MYBL1: variants seen among roughly 807,000 people sequenced by gnomAD.
MYBL1 encodes the protein MYB proto-oncogene like 1, also known as myb-related protein A.
MYBL1 carries 17 observed loss-of-function variants against 96.3 expected under a neutral mutation model. The observed-to-expected ratio is 0.18, with a 90% CI of 0.12 to 0.26. The LOEUF is 0.26. Ranked by LOEUF, MYBL1 falls within the 10% of genes least tolerant of loss-of-function variation. MYBL1 has a pLI of 1.00. For synonymous variants in MYBL1, 282 were observed against 292.7 expected (o/e 0.96, Z 0.37); for missense variants, 701 against 882.9 (o/e 0.79, Z 2.61).
chr8:66,589,131 C>T (rs773072490), intron 8 of MYBL1, among the ~76,000 whole-genome samples: 2 of 152,112 alleles, frequency 1.3e-5, no homozygotes, highest in Non-Finnish European at 2.9e-5. Flanking sequence ...TTTATGAGAA[C>T]AGATTTTAGA....
intron 8 of MYBL1, among the ~76,000 whole-genome samples, chr8:66,591,838 T>C (rs1362610369): frequency 6.6e-6 from 1 of 152,120 alleles, no homozygotes; most frequent in African/African-American, 2.4e-5. Context: ...TTCACAAATA[T>C]ATATGTGTGT....
chr8:66,613,203 C>CAGCT lies in MYBL1; in HGVS notation c.-369_-366dup, dbSNP rs1251039241. 1 of 400,216 alleles carries CAGCT rather than the reference C, an allele frequency of 2.5e-6. No individual in the cohort carries two copies. The highest frequency in any genetic ancestry group is 2.1e-5 in the African/African-American group (1 of 48,666). 24.8% of individuals were successfully genotyped at this position (400,216 alleles called of 1,614,324 possible). On this transcript the variant is annotated 5_prime_UTR_variant, in exon 1 of 16. Coordinates refer to ENST00000522677, the MANE Select transcript of MYBL1 (RefSeq NM_001080416.4). ...CGCCCGACCCCTGCCCTCTCCCCCG[C>CAGCT]AGCTAGCAGTTCTGCAGGGCTCGCA...
intron 8 of MYBL1, among the ~76,000 whole-genome samples, chr8:66,587,713 G>A (rs1181596412): frequency 6.6e-6 from 1 of 152,142 alleles, no homozygotes; most frequent in Non-Finnish European, 1.5e-5. Context: ...AACTTTCTGA[G>A]ATGATGAAAA....
At chr8:66,566,011 G>T in intron 15 of MYBL1, 53 bp downstream of exon 15, 1 of 1,213,868 alleles carries the variant, frequency 8.2e-7, no homozygotes, top group South Asian at 1.5e-5. Flanking sequence ...AATCCAAAGT[G>T]ATCATTGACT....
At chr8:66,594,679 G>GTTTT (rs1207741729) in intron 6 of MYBL1, among the ~76,000 whole-genome samples, 1 of 152,030 alleles carries the variant, frequency 6.6e-6, no homozygotes, top group Non-Finnish European at 1.5e-5. Flanking sequence ...AAACCTTAAG[G>GTTTT]TATTGAGTAT....
intron 1 of MYBL1, among the ~76,000 whole-genome samples, chr8:66,609,272 T>G (rs1810434892): frequency 6.6e-6 from 1 of 152,048 alleles, no homozygotes; most frequent in Non-Finnish European, 1.5e-5. Flanking sequence ...AACCAGTAAA[T>G]GAGGTATTCC....
chr8:66,596,060 G>A (rs756186036), intron 5 of MYBL1, among the ~76,000 whole-genome samples: 2 of 152,090 alleles, frequency 1.3e-5, no homozygotes, highest in African/African-American at 4.8e-5. Flanking sequence ...GAGTGGGAAG[G>A]AAGGAAGAAT....
At chr8:66,578,884 G>A (rs1433528856) in intron 9 of MYBL1, among the ~76,000 whole-genome samples, 1 of 152,128 alleles carries the variant, frequency 6.6e-6, no homozygotes, top group African/African-American at 2.4e-5. Context: ...TATATACCAT[G>A]GAATACTATG....
chr8:66,575,005 G>C (rs1165170734), intron 10 of MYBL1, among the ~76,000 whole-genome samples: 1 of 152,034 alleles, frequency 6.6e-6, no homozygotes, highest in Non-Finnish European at 1.5e-5. Flanking sequence ...GGTGAGCCGA[G>C]ATGGTGCCAT....
intron 15 of MYBL1, chr8:66,565,193 CA>C (rs2129675675): frequency 6.6e-6 from 1 of 152,550 alleles, no homozygotes; most frequent in African/African-American, 2.4e-5. Context: ...GATGTAATGT[CA>C]AAAAATGAGC....
At chr8:66,589,806 C>T (rs528207643) in intron 8 of MYBL1, among the ~76,000 whole-genome samples, 1 of 152,272 alleles carries the variant, frequency 6.6e-6, no homozygotes, top group South Asian at 2.1e-4. Context: ...CTTAACAAAA[C>T]AAATTAACTT....
chr8:66,580,012 A>G, intron 9 of MYBL1, 121 bp downstream of exon 9: 1 of 710,392 alleles, frequency 1.4e-6, no homozygotes, highest in Non-Finnish European at 2.2e-6. Context: ...GCAAAATATC[A>G]GAACAAAATT....
chr8:66,574,820 C>G (rs920036862), intron 10 of MYBL1, among the ~76,000 whole-genome samples: 1 of 152,038 alleles, frequency 6.6e-6, no homozygotes, highest in African/African-American at 2.4e-5. Context: ...TTTGGGAGGC[C>G]GAGGCGGGCA....
In MYBL1 at chr8:66,595,490, C is replaced by T. The variant is rs369578490; in HGVS notation, c.687+93G>A. 3.7e-5 allele frequency: 23 copies of T among 614,908 alleles called. No individual in the cohort carries two copies. In the South Asian group the frequency reaches 7.5e-4, roughly 20 times the overall value. 38.1% of individuals were successfully genotyped at this position (614,908 alleles called of 1,614,324 possible). On this transcript the variant is annotated intron_variant, in intron 6 of 15. Coordinates refer to ENST00000522677, the MANE Select transcript of MYBL1 (RefSeq NM_001080416.4). ...CAGTTTGTCTATTTACCCCTTAATA[C>T]GCATTGTATTTGTCCTATTAAGAAA...
intron 8 of MYBL1, among the ~76,000 whole-genome samples, chr8:66,583,476 AGC>A (rs1809295971): frequency 6.6e-6 from 1 of 152,140 alleles, no homozygotes; most frequent in Non-Finnish European, 1.5e-5. Context: ...TAAAAATCAA[AGC>A]AGAAATAAAC....
intron 6 of MYBL1, among the ~76,000 whole-genome samples, chr8:66,593,680 AAAAC>A (rs1235019160): frequency 6.6e-6 from 1 of 152,222 alleles, no homozygotes. Context: ...TTGTCTTAGA[AAAAC>A]AATCAGAATC....
At position 66,612,976 on chromosome 8, in the gene MYBL1, T is replaced by C. The variant is rs993621364; in HGVS notation, c.-138A>G. 2 of 992,128 alleles carry C rather than the reference T, an allele frequency of 2.0e-6. No individual in the cohort carries two copies. Among genetic ancestry groups the C allele is most frequent in the Non-Finnish European group, 2.7e-6 (2 of 741,644 alleles). The allele number at this position is 992,128 out of a possible 1,614,324, so 61.5% of individuals were successfully genotyped here. On this transcript the variant is annotated 5_prime_UTR_variant, in exon 1 of 16. Coordinates refer to ENST00000522677, the MANE Select transcript of MYBL1 (RefSeq NM_001080416.4). ...GAGGCGGCCGAGTGCGGAACGCACGTCCTCGACAGGGCAGGACGGAGGGAC... is the reference window on the plus strand; with the variant it reads ...GAGGCGGCCGAGTGCGGAACGCACGCCCTCGACAGGGCAGGACGGAGGGAC...
intron 8 of MYBL1, among the ~76,000 whole-genome samples, chr8:66,583,375 A>G (rs1443859260): frequency 1.3e-5 from 2 of 152,180 alleles, no homozygotes; most frequent in African/African-American, 4.8e-5. Context: ...ATAAATACCT[A>G]CACCAAAAAA....
In MYBL1 at chr8:66,592,493, C is replaced by G; in HGVS notation, c.814G>C (p.Glu272Gln). The change falls in exon 8 of 16, where the codon GAG becomes CAG. Residue 272 changes from glutamate to glutamine, a missense_variant. Around this residue, in one of 5 missense-constraint regions of MYBL1, gnomAD observed 396 missense variants for 407.4 expected, o/e 0.97. Coordinates refer to ENST00000522677, the MANE Select transcript of MYBL1 (RefSeq NM_001080416.4). ...TTCTCAGCTGACATAAGAAGCATCTCAAGTTCCTTTATTTTCTTTTCCTTA... is the reference window on the plus strand; with the variant it reads ...TTCTCAGCTGACATAAGAAGCATCTGAAGTTCCTTTATTTTCTTTTCCTTA... ...PDKEKKIKELEMLLMSAENEV... is the reference protein window; with the variant it reads ...PDKEKKIKELQMLLMSAENEV... 6.2e-7 allele frequency: 1 copy of G among 1,602,794 alleles called. No individual in the cohort carries two copies. Among genetic ancestry groups the G allele is most frequent in the Non-Finnish European group, 8.5e-7 (1 of 1,178,416 alleles).
Sources: allele counts gnomAD v4.1 joint callset (sites outside exome capture counted in the v4.1 genomes callset), GRCh38; gene constraint gnomAD v4.1.1; regional missense constraint gnomAD v4.1.1; transcripts MANE v1.5; gene names NCBI Gene and HGNC (gene_info 2026-07-23, HGNC 2026-07-21).